Variants in GALNT1 observed in about 807,000 individuals in gnomAD.
GALNT1 encodes the protein polypeptide N-acetylgalactosaminyltransferase 1.
Under a neutral mutation model 65.7 loss-of-function variants are expected in GALNT1, and 17 were observed. That is an observed-to-expected ratio of 0.26 (90% CI 0.18 to 0.39). The LOEUF (loss-of-function observed/expected upper bound fraction) is 0.39. GALNT1 is among the 10% of genes least tolerant of loss of function. The pLI is 1.00. For missense variants in GALNT1, 460 were observed against 672.8 expected, an observed-to-expected ratio of 0.68 and a Z score of 3.50; for synonymous variants, 210 against 219.7, an observed-to-expected ratio of 0.96 and a Z score of 0.39.
chr18:35,597,475 A>G (rs1307271126), intron 1 of GALNT1: 1 of 152,194 alleles, frequency 6.6e-6, no homozygotes, highest in Non-Finnish European at 1.5e-5. Flanking sequence ...CTAGTAGTTT[A>G]CTTATATAAG....
intron 7 of GALNT1, among the ~76,000 whole-genome samples, chr18:35,690,330 A>T (rs2047939921): frequency 6.6e-6 from 1 of 152,164 alleles, no homozygotes; most frequent in Admixed American, 6.5e-5. Context: ...ACAAGCCGTG[A>T]CGCAGGTTTG....
chr18:35,631,055 G>A (rs1247251523), intron 1 of GALNT1, among the ~76,000 whole-genome samples: 5 of 152,290 alleles, frequency 3.3e-5, no homozygotes, highest in African/African-American at 1.2e-4. Flanking sequence ...AATTGAGGCA[G>A]TAATTAATAG....
chr18:35,647,090 T>C (rs1303918819), intron 1 of GALNT1, among the ~76,000 whole-genome samples: 1 of 152,230 alleles, frequency 6.6e-6, no homozygotes, highest in Non-Finnish European at 1.5e-5. Flanking sequence ...ACAGTTTCCT[T>C]TTCTTTTTCT....
intron 1 of GALNT1, among the ~76,000 whole-genome samples, chr18:35,648,213 G>T (rs2047261152): frequency 6.6e-6 from 1 of 152,086 alleles, no homozygotes; most frequent in Admixed American, 6.6e-5. Flanking sequence ...AAGATTTTTT[G>T]ACTTTGTGAG....
chr18:35,632,117 A>G (rs1041417720), intron 1 of GALNT1, among the ~76,000 whole-genome samples: 2 of 152,242 alleles, frequency 1.3e-5, no homozygotes, highest in Non-Finnish European at 1.5e-5. Flanking sequence ...GAAAATGGCC[A>G]TACTGCCCAA....
Position 35,692,278 on chromosome 18 carries a change from T to C in GALNT1, c.1257T>C (p.Tyr419=), listed in dbSNP as rs1478719668. ...TTTCCTGGTACCTAGAGAATATATA[T>C]CCTGATTCTCAAATTCCACGTCACT... is the stretch of plus-strand genomic sequence containing the variant. ...KPFSWYLENI[Y]PDSQIPRHYF... Residue 419 remains tyrosine (Y), a synonymous_variant, in exon 9 of 12, where the codon TAT becomes TAC. Coordinates refer to ENST00000269195, the MANE Select transcript of GALNT1 (RefSeq NM_020474.4). 1.3e-6 allele frequency: 2 copies of C among 1,597,548 alleles called. No homozygotes were observed. The highest frequency in any genetic ancestry group is 4.5e-5 in the East Asian group (2 of 44,644).
At chr18:35,583,670 G>A (rs1466141314) in intron 1 of GALNT1, among the ~76,000 whole-genome samples, 1 of 152,170 alleles carries the variant, frequency 6.6e-6, no homozygotes, top group Non-Finnish European at 1.5e-5. Flanking sequence ...AGCTATTCCA[G>A]AGTGACAGCG....
chr18:35,709,459 T>C (rs972933589), intron 11 of GALNT1, among the ~76,000 whole-genome samples, 165 bp from the exon 12 acceptor site: 2 of 151,928 alleles, frequency 1.3e-5, no homozygotes, highest in Non-Finnish European at 2.9e-5. Context: ...TCTCTCTCTC[T>C]CTGTTTCTCC....
intron 1 of GALNT1, among the ~76,000 whole-genome samples, chr18:35,617,869 G>C (rs972598982): frequency 9.9e-5 from 15 of 151,728 alleles, no homozygotes; most frequent in South Asian, 2.1e-4. Flanking sequence ...TTTTAAAAAA[G>C]CTTTCCTTAA....
chr18:35,635,433 T>C (rs1426845218), intron 1 of GALNT1, among the ~76,000 whole-genome samples: 1 of 152,188 alleles, frequency 6.6e-6, no homozygotes, highest in Non-Finnish European at 1.5e-5. Context: ...ACATCCTGAC[T>C]CACTGCCTGG....
At chr18:35,637,161 A>G (rs974241370) in intron 1 of GALNT1, among the ~76,000 whole-genome samples, 8 of 152,132 alleles carry the variant, frequency 5.3e-5, no homozygotes, top group African/African-American at 1.9e-4. Flanking sequence ...TCTGCTAAGC[A>G]ACAGTATTGA....
intron 9 of GALNT1, among the ~76,000 whole-genome samples, chr18:35,701,377 C>T (rs1002645288): frequency 2.0e-5 from 3 of 152,206 alleles, no homozygotes; most frequent in Admixed American, 6.5e-5. Context: ...CCAATCTGAG[C>T]GAAATTCTTT....
chr18:35,614,153 A>T (rs1043760261), intron 1 of GALNT1, among the ~76,000 whole-genome samples: 2 of 152,226 alleles, frequency 1.3e-5, no homozygotes, highest in Non-Finnish European at 2.9e-5. Flanking sequence ...TAAATGCTTA[A>T]TATGTTTAGA....
chr18:35,592,558 A>T (rs1305977982), intron 1 of GALNT1, among the ~76,000 whole-genome samples: 1 of 152,152 alleles, frequency 6.6e-6, no homozygotes, highest in Admixed American at 6.5e-5. Flanking sequence ...TTGGCATGGT[A>T]TAGCTGATGC....
rs558185684 is a variant in GALNT1, at chr18:35,701,091, A to G, written c.1300-1806A>G. Among the ~76,000 whole-genome samples, 3 of 151,956 alleles carry G rather than the reference A, an allele frequency of 2.0e-5. No individual in the cohort carries two copies. The East Asian group carries it at 5.8e-4, about 29-fold the overall frequency. On this transcript the variant is annotated intron_variant, in intron 9 of 11. Coordinates refer to ENST00000269195, the MANE Select transcript of GALNT1 (RefSeq NM_020474.4). ...ATGAACTTTTTTTTTTTTCTTTAAG[A>G]GACAGGGCCTTGCTCTGTCACTTAA...
chr18:35,631,166 C>T (rs2047002813), intron 1 of GALNT1, among the ~76,000 whole-genome samples: 1 of 152,072 alleles, frequency 6.6e-6, no homozygotes, highest in Non-Finnish European at 1.5e-5. Flanking sequence ...CTATTCCAAT[C>T]AATAGAAAAA....
intron 11 of GALNT1, among the ~76,000 whole-genome samples, chr18:35,706,129 T>C (rs2048254300): frequency 6.6e-6 from 1 of 152,150 alleles, no homozygotes; most frequent in Admixed American, 6.5e-5. Flanking sequence ...GGAAAGACTG[T>C]TGGCTAGCCA....
At chr18:35,665,081 T>A (rs2047530276) in intron 3 of GALNT1, among the ~76,000 whole-genome samples, 1 of 152,228 alleles carries the variant, frequency 6.6e-6, no homozygotes, top group Non-Finnish European at 1.5e-5. Flanking sequence ...AGGCCTCATA[T>A]TCAGCCTCTT....
upstream of GALNT1, chr18:35,581,339 G>A (rs2046309620): frequency 6.6e-6 from 1 of 151,092 alleles, no homozygotes. Flanking sequence ...GGTCGGTCCG[G>A]GAGGGGCGCC....
Sources: gnomAD v4.1 joint callset for allele counts (sites outside exome capture counted in the v4.1 genomes callset) on GRCh38, gnomAD v4.1.1 for gene constraint, MANE v1.5 for transcripts, NCBI Gene and HGNC (gene_info 2026-07-23, HGNC 2026-07-21) for gene names.